Variants in LILRA2 observed in about 807,000 individuals in gnomAD.
LILRA2 encodes the protein leukocyte immunoglobulin-like receptor subfamily A member 2.
Under a neutral mutation model 47.9 loss-of-function variants are expected in LILRA2, and 45 were observed. The observed-to-expected ratio is 0.94, with a 90% CI of 0.74 to 1.20. LILRA2 has a LOEUF of 1.20. Among genes scored for constraint, LILRA2 ranks in the 50% most tolerant of loss-of-function variants. LILRA2 has a pLI of 0.00. For synonymous variants in LILRA2, 279 were observed against 249.2 expected, an observed-to-expected ratio of 1.12 and a Z score of -1.13; for missense variants, 651 against 598.2, an observed-to-expected ratio of 1.09 and a Z score of -0.92.
At chr19:54,573,549 G>A, upstream of LILRA2, 1 of 803,988 alleles carries the variant, frequency 1.2e-6, no homozygotes, top group South Asian at 1.5e-5. Flanking sequence ...TGGAAGGGCA[G>A]ACGCAGGAGG....
At position 54,575,922 on chromosome 19, in the gene LILRA2, C is replaced by G. The variant is rs369982018; in HGVS notation, c.1068C>G (p.Thr356=). 7 of 1,613,824 alleles carry G rather than the reference C, an allele frequency of 4.3e-6. No individual in the cohort carries two copies. The highest frequency in any genetic ancestry group is 5.9e-6 in the Non-Finnish European group (7 of 1,179,970). Residue 356 remains threonine (T), a synonymous_variant, in exon 6 of 8, where the codon ACC becomes ACG. Transcript: ENST00000391738. ...SRGQFHTFLL[T]KEGAGHPPLH... ...GGCAGTTCCACACTTTCCTTCTGAC[C>G]AAGGAGGGGGCAGGCCATCCCCCAC...
intron 6 of LILRA2, among the ~76,000 whole-genome samples, chr19:54,585,854 G>A (rs1204124771): frequency 6.6e-6 from 1 of 152,182 alleles, no homozygotes; most frequent in African/African-American, 2.4e-5. Flanking sequence ...TGGAAATGCA[G>A]AAATCCAGCT....
rs2062391746 is a variant in LILRA2 at position 54,575,697 on chromosome 19, G to A, written c.953-110G>A. On this transcript the variant is annotated intron_variant, in intron 5 of 7. Coordinates refer to ENST00000391738, the MANE Select transcript of LILRA2 (RefSeq NM_001130917.3). ...AGACAGGGGATGGGCGGGGAGGGGA[G>A]ACTCAGAGAAAACAGAGACAGAGAG... The A allele has an allele frequency of 5.1e-6, 8 of 1,573,662 alleles. No individual in the cohort carries two copies. In the South Asian group the frequency reaches 5.7e-5, roughly 11 times the overall value.
chr19:54,575,836 G>C lies in LILRA2; in HGVS notation c.982G>C (p.Val328Leu). The C allele has an allele frequency of 6.2e-7, 1 of 1,613,814 alleles. No individual in the cohort carries two copies. The change falls in exon 6 of 8, where the codon GTG becomes CTG. Residue 328 changes from valine (V) to leucine (L), a missense_variant. By Grantham distance (32) the Val-to-Leu change is conservative. Coordinates refer to ENST00000391738, the MANE Select transcript of LILRA2 (RefSeq NM_001130917.3). ...GTTCTATGACAGACCCTCTCTCTCG[G>C]TGCAGCCGGTCCCCACAGTAGCCCC... ...GQFYDRPSLSVQPVPTVAPGK... is the reference protein window; with the variant it reads ...GQFYDRPSLSLQPVPTVAPGK...
intron 6 of LILRA2, among the ~76,000 whole-genome samples, chr19:54,580,197 C>CTT (rs1286721953): frequency 7.5e-6 from 1 of 133,430 alleles, no homozygotes; most frequent in Admixed American, 7.8e-5. Context: ...GTTTTCTTTT[C>CTT]TTTTTTTTTT....
chr19:54,586,920 C>A, intron 6 of LILRA2, 90 bp from the exon 7 acceptor site: 2 of 931,696 alleles, frequency 2.1e-6, no homozygotes, highest in Non-Finnish European at 1.6e-6. Context: ...CTCCATAAAA[C>A]TCATGTCAAG....
intron 6 of LILRA2, chr19:54,577,505 C>T: frequency 2.3e-6 from 3 of 1,289,578 alleles, no homozygotes; most frequent in Non-Finnish European, 3.0e-6. Context: ...CTGCGGGGTC[C>T]CTGGGCCATC....
chr19:54,585,594 C>G (rs890920188), intron 6 of LILRA2, among the ~76,000 whole-genome samples: 2 of 152,132 alleles, frequency 1.3e-5, no homozygotes, highest in African/African-American at 4.8e-5. Context: ...TGAGACCTGC[C>G]GAGCCAGGCA....
At chr19:54,576,155 A>G (rs1568511905) in intron 6 of LILRA2, 46 bp downstream of exon 6, 1 of 1,608,012 alleles carries the variant, frequency 6.2e-7, no homozygotes, top group Non-Finnish European at 8.5e-7. Flanking sequence ...GGCTCAGCTC[A>G]GGCCCTGCCC....
chr19:54,585,192 G>T (rs960027933), intron 6 of LILRA2, among the ~76,000 whole-genome samples: 5 of 152,192 alleles, frequency 3.3e-5, no homozygotes, highest in Admixed American at 1.3e-4. Flanking sequence ...TGAGGTGTCT[G>T]TTGGCCCCTA....
At position 54,574,762 on chromosome 19, in the gene LILRA2, G is replaced by A. The variant is rs754250417; in HGVS notation, c.384G>A (p.Leu128=). The A allele has an allele frequency of 3.1e-6, 5 of 1,614,256 alleles. No homozygotes were observed. The highest frequency in any genetic ancestry group is 4.2e-6 in the Non-Finnish European group (5 of 1,180,032). The change falls in exon 4 of 8, where the codon CTG becomes CTA. Residue 128 remains leucine, a synonymous_variant. Coordinates refer to ENST00000391738, the MANE Select transcript of LILRA2 (RefSeq NM_001130917.3). ...ACAGCAAACCCACCCTCTCAGCTCTGCCCAGCCCTGTGGTGACCTCAGGAG... is the reference window on the plus strand; with the variant it reads ...ACAGCAAACCCACCCTCTCAGCTCTACCCAGCCCTGTGGTGACCTCAGGAG... The part of the protein sequence containing the change: ...GAYSKPTLSA[L]PSPVVTSGGN...
chr19:54,580,350 C>G (rs1173525711), intron 6 of LILRA2, among the ~76,000 whole-genome samples: 2 of 93,324 alleles, frequency 2.1e-5, no homozygotes, highest in Non-Finnish European at 4.2e-5. Flanking sequence ...ATCCCTCCCC[C>G]CTCCCCCGAC....
At chr19:54,573,746 G>T (rs1167862144), upstream of LILRA2, 8 of 1,566,252 alleles carry the variant, frequency 5.1e-6, no homozygotes, top group South Asian at 9.4e-5. Context: ...TGCACTTCCT[G>T]TGTGGTTGCA....
rs1237895650 is a variant in LILRA2 at position 54,587,056 on chromosome 19, G to A, written c.1302G>A (p.Thr434=). 3 of 1,613,442 alleles carry A rather than the reference G, an allele frequency of 1.9e-6. No homozygotes were observed. Among genetic ancestry groups the A allele is most frequent in the East Asian group, 2.2e-5 (1 of 44,860 alleles). ...LSPSQNKTDS[T]TTSLGQHPQD... ...CATCACAAAACAAGACAGACTCCAC[G>A]ACTAGTGAGTGAGGAGATGCTCTCA... Residue 434 remains threonine, a synonymous_variant, in exon 7 of 8, where the codon ACG becomes ACA. Coordinates refer to ENST00000391738, the MANE Select transcript of LILRA2 (RefSeq NM_001130917.3).
At position 54,587,430 on chromosome 19, in the gene LILRA2, C is replaced by G; in HGVS notation, c.*84C>G. On this transcript the variant is annotated 3_prime_UTR_variant, in exon 8 of 8. Coordinates refer to ENST00000391738, the MANE Select transcript of LILRA2 (RefSeq NM_001130917.3). ...ATCCCAGGAGGCTCTGGAGGACAATCTAGGACCTACATTATCTGGACTGTA... is the reference window on the plus strand; with the variant it reads ...ATCCCAGGAGGCTCTGGAGGACAATGTAGGACCTACATTATCTGGACTGTA... 6.3e-7 allele frequency: 1 copy of G among 1,583,252 alleles called. No homozygotes were observed. The highest frequency in any genetic ancestry group is 8.6e-7 in the Non-Finnish European group (1 of 1,163,162).
intron 4 of LILRA2, 92 bp from the exon 5 acceptor site, chr19:54,575,164 G>C: frequency 6.5e-7 from 1 of 1,549,768 alleles, no homozygotes; most frequent in Non-Finnish European, 8.7e-7. Flanking sequence ...GGCTCCTGGG[G>C]CCGGAGACAC....
At chr19:54,586,937 A>G (rs1232272927) in intron 6 of LILRA2, 73 bp from the exon 7 acceptor site, 3 of 1,109,348 alleles carry the variant, frequency 2.7e-6, no homozygotes, top group Middle Eastern at 2.6e-4. Context: ...CAAGAGACAC[A>G]GGGGAAAAGA....
At chr19:54,573,365 C>G, upstream of LILRA2, 3 of 749,204 alleles carry the variant, frequency 4.0e-6, no homozygotes, top group Non-Finnish European at 7.0e-6. Flanking sequence ...CTCTGCTGAT[C>G]TGAGTCTAAC....
chr19:54,586,531 G>C (rs1475207545), intron 6 of LILRA2, among the ~76,000 whole-genome samples: 1 of 152,168 alleles, frequency 6.6e-6, no homozygotes, highest in African/African-American at 2.4e-5. Context: ...ACCCCTTTGT[G>C]TTCCTGACAT....
Sources: allele counts gnomAD v4.1 joint callset (sites outside exome capture counted in the v4.1 genomes callset), GRCh38; gene constraint gnomAD v4.1.1; transcripts MANE v1.5; gene names NCBI Gene and HGNC (gene_info 2026-07-23, HGNC 2026-07-21).